The following GPAM variants were observed in gnomAD, a reference collection of about 807,000 sequenced individuals.
GPAM encodes glycerol-3-phosphate acyltransferase 1, mitochondrial.
Under a neutral mutation model 105.0 loss-of-function variants are expected in GPAM, and 56 were observed. The observed-to-expected ratio is 0.53, with a 90% confidence interval of 0.43 to 0.67. The LOEUF (loss-of-function observed/expected upper bound fraction) is 0.67. GPAM is among the 30% of genes least tolerant of loss of function. The probability of loss-of-function intolerance (pLI) is 0.00; values close to 1 mark genes in which losing one functional copy is unlikely to be tolerated. For missense variants in GPAM, 855 were observed against 989.8 expected, an observed-to-expected ratio of 0.86 and a Z score of 1.83; for synonymous variants, 368 against 354.4, an observed-to-expected ratio of 1.04 and a Z score of -0.43.
chr10:112,187,898 T>C (rs1288456149), upstream of GPAM, among the ~76,000 whole-genome samples: 3 of 152,152 alleles, frequency 2.0e-5, no homozygotes, highest in Non-Finnish European at 4.4e-5. Flanking sequence ...CTTAAAGGTA[T>C]TTGGAAAATC....
chr10:112,196,812 A>T (rs1847729308), intron 1 of GPAM, among the ~76,000 whole-genome samples: 1 of 152,198 alleles, frequency 6.6e-6, no homozygotes, highest in African/African-American at 2.4e-5. Flanking sequence ...TGGATGGATC[A>T]CAGAGACCAA....
intron 3 of GPAM, among the ~76,000 whole-genome samples, chr10:112,181,409 T>A (rs955000086): frequency 3.9e-5 from 6 of 151,968 alleles, no homozygotes; most frequent in Non-Finnish European, 8.8e-5. Context: ...GAAAAAAAAA[T>A]TTCTTACCGA....
the GPAM span, among the ~76,000 whole-genome samples, chr10:112,224,036 C>G: frequency 6.6e-6 from 1 of 152,178 alleles, no homozygotes; most frequent in South Asian, 2.1e-4. Flanking sequence ...CCTCAGCATC[C>G]TTCTTAACAC....
chr10:112,186,472 G>T (rs1847597672), upstream of GPAM, among the ~76,000 whole-genome samples: 1 of 151,556 alleles, frequency 6.6e-6, no homozygotes, highest in East Asian at 1.9e-4. Context: ...AAGGAATTAA[G>T]AGCTTAAGAA....
In GPAM at chr10:112,150,583, A is replaced by T. The variant is rs1846897929; in HGVS notation, c.*2967T>A. ...GAACTATCTAACATAGTGTTTCCCA[A>T]AATGTTCTCCACAGGACATTAGTGA... On this transcript the variant is annotated 3_prime_UTR_variant, in exon 22 of 22. Coordinates refer to ENST00000348367, the MANE Select transcript of GPAM (RefSeq NM_001244949.2). 3.1e-6 allele frequency: 3 copies of T among 978,356 alleles called. No individual in the cohort carries two copies. Among genetic ancestry groups the T allele is most frequent in the Middle Eastern group, 5.2e-4 (1 of 1,918 alleles). The allele number at this position is 978,356 out of a possible 1,614,324, so 60.6% of individuals were successfully genotyped here.
chr10:112,151,281 C>CA lies in GPAM; in HGVS notation c.*2268dup. On this transcript the variant is annotated 3_prime_UTR_variant, in exon 22 of 22. Transcript: ENST00000348367. ...AAAACAATGAGAATGTATCTTTTAGCAAAACGGTGCTATCTGGAAGCTTCA... is the reference window on the plus strand; with the variant it reads ...AAAACAATGAGAATGTATCTTTTAGCAAAAACGGTGCTATCTGGAAGCTTCA... 2 of 985,724 alleles carry CA rather than the reference C, an allele frequency of 2.0e-6. No individual in the cohort carries two copies. The highest frequency in any genetic ancestry group is 2.4e-6 in the Non-Finnish European group (2 of 829,858). The allele number at this position is 985,724 out of a possible 1,614,324, so 61.1% of individuals were successfully genotyped here.
At chr10:112,199,068 A>G (rs11195841) in intron 1 of GPAM, among the ~76,000 whole-genome samples, 50,025 of 150,924 alleles carry the variant, frequency 0.33, 13,817 homozygotes, top group African/African-American at 0.76. Context: ...GACTACAGAC[A>G]CACGCCGCCA....
In GPAM at chr10:112,151,903, C is replaced by A. The variant is rs143969072; in HGVS notation, c.*1647G>T. 2.6e-5 allele frequency: 25 copies of A among 977,790 alleles called. No homozygotes were observed. The highest frequency in any genetic ancestry group is 2.6e-5 in the Non-Finnish European group (21 of 823,030). The allele number at this position is 977,790 out of a possible 1,614,324, so 60.6% of individuals were successfully genotyped here. A position where few individuals can be genotyped will look rare whatever the true frequency, so the allele number is the denominator to read the frequency against. On this transcript the variant is annotated 3_prime_UTR_variant, in exon 22 of 22. Transcript: ENST00000348367. Reference sequence around the variant, plus strand: ...TCATTCAACATCAGAGCTACTACAACTGACAATGACTTCATGGTATACATC... The same window carrying A: ...TCATTCAACATCAGAGCTACTACAAATGACAATGACTTCATGGTATACATC...
Position 112,152,196 on chromosome 10 carries a change from C to T in GPAM, c.*1354G>A. On this transcript the variant is annotated 3_prime_UTR_variant, in exon 22 of 22. Coordinates refer to ENST00000348367, the MANE Select transcript of GPAM (RefSeq NM_001244949.2). ...ACTCATCTGGAAAAATTCTTAATTCCATAATATCTTGGAGATAAGCAACAG... is the reference window on the plus strand; with the variant it reads ...ACTCATCTGGAAAAATTCTTAATTCTATAATATCTTGGAGATAAGCAACAG... 1.0e-6 allele frequency: 1 copy of T among 976,904 alleles called. No homozygotes were observed. Among genetic ancestry groups the T allele is most frequent in the Non-Finnish European group, 1.2e-6 (1 of 822,346 alleles). 60.5% of individuals were successfully genotyped at this position (976,904 alleles called of 1,614,324 possible). A position where few individuals can be genotyped will look rare whatever the true frequency, so the allele number is the denominator to read the frequency against.
chr10:112,198,420 T>C (rs757062729), intron 1 of GPAM, among the ~76,000 whole-genome samples: 6 of 152,214 alleles, frequency 3.9e-5, no homozygotes, highest in African/African-American at 9.7e-5. Flanking sequence ...TTTAAAGCAG[T>C]AGTTCCTCAC....
chr10:112,193,169 G>A (rs1847682485), intron 1 of GPAM, among the ~76,000 whole-genome samples: 2 of 152,074 alleles, frequency 1.3e-5, no homozygotes, highest in African/African-American at 4.8e-5. Context: ...AAAGTAGAAG[G>A]GTGAGGCCCA....
intron 12 of GPAM, among the ~76,000 whole-genome samples, chr10:112,165,868 G>T (rs1847207088): frequency 6.6e-6 from 1 of 151,230 alleles, no homozygotes. Context: ...AAATTTTTTT[G>T]ACTTTTGGGG....
At chr10:112,169,225 C>T (rs1406735198) in intron 9 of GPAM, among the ~76,000 whole-genome samples, 1 of 152,002 alleles carries the variant, frequency 6.6e-6, no homozygotes, top group Non-Finnish European at 1.5e-5. Context: ...ACATATTACC[C>T]GTAAAAATGA....
intron 17 of GPAM, among the ~76,000 whole-genome samples, chr10:112,159,338 A>G (rs986306997): frequency 2.0e-5 from 3 of 148,584 alleles, no homozygotes; most frequent in Non-Finnish European, 3.0e-5. Flanking sequence ...CTCCTGCCTC[A>G]GCCTCCAAAG....
intron 20 of GPAM, chr10:112,155,070 G>A (rs1474080687): frequency 8.2e-6 from 2 of 244,200 alleles, no homozygotes; most frequent in Non-Finnish European, 1.6e-5. Context: ...ACAGATGATT[G>A]TACATCAGTG....
chr10:112,160,044 A>C lies in GPAM; in HGVS notation c.1769T>G (p.Leu590Arg), dbSNP rs764638618. 34 of 1,614,128 alleles carry C rather than the reference A, an allele frequency of 2.1e-5. No homozygotes were observed. The highest frequency in any genetic ancestry group is 2.9e-5 in the Non-Finnish European group (34 of 1,179,998). Residue 590 changes from leucine to arginine, a missense_variant, in exon 17 of 22, where the codon CTT (leucine) becomes CGT (arginine). Leu to Arg is a moderately radical substitution (Grantham distance 102). Transcript: ENST00000348367. ...FIMEAIIACS[L>R]YAVLNKRGLG... ...TCCCCTCTTGTTCAGAACTGCATAA[A>C]GGCTGCAAGCTAAGAAAAGAAAAGC...
At chr10:112,190,170 T>TA (rs1250998825) in intron 1 of GPAM, among the ~76,000 whole-genome samples, 2 of 151,986 alleles carry the variant, frequency 1.3e-5, no homozygotes, top group African/African-American at 4.8e-5. Flanking sequence ...TCAAACATTC[T>TA]AAAAAAATAA....
At chr10:112,158,902 G>A (rs924067105) in intron 17 of GPAM, among the ~76,000 whole-genome samples, 6 of 152,102 alleles carry the variant, frequency 3.9e-5, no homozygotes, top group Admixed American at 1.3e-4. Context: ...CAAGGTTCAT[G>A]CAAAACAGAT....
chr10:112,153,025 G>T lies in GPAM; in HGVS notation c.*525C>A. 1 of 561,198 alleles carries T rather than the reference G, an allele frequency of 1.8e-6. No individual in the cohort carries two copies. Among genetic ancestry groups the T allele is most frequent in the Non-Finnish European group, 2.3e-6 (1 of 437,488 alleles). The allele number at this position is 561,198 out of a possible 1,614,324, so 34.8% of individuals were successfully genotyped here. Reference sequence around the variant, plus strand: ...GTCCACTCAATTTATAAAGCACTTTGGGATAAAAGGTGCTCCCATTAAAAA... The same window carrying T: ...GTCCACTCAATTTATAAAGCACTTTTGGATAAAAGGTGCTCCCATTAAAAA... On this transcript the variant is annotated 3_prime_UTR_variant, in exon 22 of 22. Coordinates refer to ENST00000348367, the MANE Select transcript of GPAM (RefSeq NM_001244949.2).
Sources: gnomAD v4.1 joint callset for allele counts (sites outside exome capture counted in the v4.1 genomes callset) on GRCh38, gnomAD v4.1.1 for gene constraint, MANE v1.5 for transcripts, NCBI Gene and HGNC (gene_info 2026-07-23, HGNC 2026-07-21) for gene names.